The following IQSEC1 variants were observed in gnomAD, a reference collection of about 807,000 sequenced individuals.
IQSEC1 encodes IQ motif and Sec7 domain ArfGEF 1, also known as IQ motif and SEC7 domain-containing protein 1.
A neutral mutation model predicts 91.0 loss-of-function variants in IQSEC1; 31 were observed. That is an observed-to-expected ratio of 0.34 (90% CI 0.26 to 0.46). IQSEC1 has a LOEUF of 0.46. Ranked by LOEUF, IQSEC1 falls within the 20% of genes least tolerant of loss-of-function variation. The pLI, the probability that IQSEC1 is intolerant of heterozygous loss-of-function variation, is 1.00. For synonymous variants in IQSEC1, 699 were observed against 662.6 expected (o/e 1.05, Z -0.84); for missense variants, 1,388 against 1,575.6 (o/e 0.88, Z 2.02).
chr3:12,919,509 T>C (rs1696415645), intron 6 of IQSEC1, among the ~76,000 whole-genome samples: 1 of 152,182 alleles, frequency 6.6e-6, no homozygotes, highest in Non-Finnish European at 1.5e-5. Flanking sequence ...GAGCTGGAGC[T>C]GCTCCCTGGA....
At chr3:13,221,350 C>T (rs1272285590) in intron 1 of IQSEC1, among the ~76,000 whole-genome samples, 2 of 152,196 alleles carry the variant, frequency 1.3e-5, no homozygotes, top group Admixed American at 1.3e-4. Flanking sequence ...CACTGTTCCT[C>T]CAACAGGACA....
chr3:12,984,002 T>C (rs1409374810), intron 1 of IQSEC1, among the ~76,000 whole-genome samples: 1 of 152,130 alleles, frequency 6.6e-6, no homozygotes, highest in Non-Finnish European at 1.5e-5. Flanking sequence ...ACAGATGGTC[T>C]GCACAGAGCT....
In IQSEC1 at chr3:13,282,794, C is replaced by T. The variant is rs1360219263; in HGVS notation, c.189G>A (p.Ala63=). Residue 63 remains alanine, a synonymous_variant, in exon 1 of 16, where the codon GCG becomes GCA. Transcript: ENST00000648114. This position sits in a 1 kb window ranked among gnomAD's most constrained non-coding sequence, Gnocchi z 6.4. ...GGCCCGGGTCGGGGCGGCGGGCGCA[C>T]GCGGCCAGGTGTCGCCGGTGTCGCT... Among the ~76,000 whole-genome samples, 1 of 147,792 alleles carries T rather than the reference C, an allele frequency of 6.8e-6. No homozygotes were observed. The highest frequency in any genetic ancestry group is 1.5e-5 in the Non-Finnish European group (1 of 66,322).
At chr3:13,234,751 G>A (rs1423644914) in intron 1 of IQSEC1, among the ~76,000 whole-genome samples, 3 of 152,182 alleles carry the variant, frequency 2.0e-5, no homozygotes, top group African/African-American at 4.8e-5. Flanking sequence ...ACTCTCGGGT[G>A]TGACTAAATG....
At chr3:13,271,673 G>A (rs1036655061) in intron 1 of IQSEC1, among the ~76,000 whole-genome samples, 2 of 152,120 alleles carry the variant, frequency 1.3e-5, no homozygotes, top group Non-Finnish European at 2.9e-5. Flanking sequence ...GTGCACACCT[G>A]TAGTCCCAGC....
upstream of IQSEC1, among the ~76,000 whole-genome samples, chr3:13,077,640 C>G (rs2648700): frequency 0.27 from 41,770 of 152,104 alleles, 6,095 homozygotes; most frequent in African/African-American, 0.34. Context: ...CTGGCAGGCT[C>G]GTGCAGGGCC....
At chr3:12,903,601 A>T (rs1430736433) in intron 12 of IQSEC1, among the ~76,000 whole-genome samples, 2 of 152,204 alleles carry the variant, frequency 1.3e-5, no homozygotes, top group African/African-American at 4.8e-5. Context: ...GGTCCGTCAG[A>T]GCAAGGCCAG....
chr3:13,234,770 A>G (rs569748573), intron 1 of IQSEC1, among the ~76,000 whole-genome samples: 1 of 152,302 alleles, frequency 6.6e-6, no homozygotes, highest in East Asian at 1.9e-4. Flanking sequence ...TGTGGAAAAT[A>G]TTAGTGTTCC....
intron 2 of IQSEC1, among the ~76,000 whole-genome samples, chr3:13,121,969 T>A (rs1706432845): frequency 6.6e-6 from 1 of 152,220 alleles, no homozygotes; most frequent in Non-Finnish European, 1.5e-5. Context: ...CAATGCTGGA[T>A]CTGAAATAGT....
intron 2 of IQSEC1, among the ~76,000 whole-genome samples, chr3:13,121,183 G>A (rs1334392890): frequency 6.6e-6 from 1 of 152,248 alleles, no homozygotes; most frequent in Non-Finnish European, 1.5e-5. Context: ...TTGCAGCCAT[G>A]CCTGCACCTC....
chr3:13,135,786 C>T (rs1220058558), intron 2 of IQSEC1, among the ~76,000 whole-genome samples: 1 of 152,210 alleles, frequency 6.6e-6, no homozygotes, highest in Non-Finnish European at 1.5e-5. Context: ...TACAGGGCCT[C>T]TGGGTCAGCC....
At chr3:13,012,534 G>A (rs1229178922) in intron 1 of IQSEC1, among the ~76,000 whole-genome samples, 1 of 152,186 alleles carries the variant, frequency 6.6e-6, no homozygotes, top group South Asian at 2.1e-4. Context: ...GAAACGATGT[G>A]TTGCTCACCA....
intron 1 of IQSEC1, among the ~76,000 whole-genome samples, chr3:13,253,435 G>C (rs559015488): frequency 6.6e-6 from 1 of 152,284 alleles, no homozygotes; most frequent in Admixed American, 6.5e-5. Flanking sequence ...AAGATGGCGG[G>C]TATTGAGTGG....
chr3:13,026,940 G>A (rs1196046192), intron 1 of IQSEC1, among the ~76,000 whole-genome samples: 2 of 148,630 alleles, frequency 1.3e-5, no homozygotes, highest in African/African-American at 5.0e-5. Flanking sequence ...AGTTACTCAG[G>A]ATGATATATA....
intron 1 of IQSEC1, among the ~76,000 whole-genome samples, chr3:12,985,660 A>G (rs1416957548): frequency 1.3e-4 from 17 of 134,858 alleles, no homozygotes; most frequent in African/African-American, 4.6e-4. Flanking sequence ...CGGGTGGCAG[A>G]GTGGGGGGGG....
intron 2 of IQSEC1, among the ~76,000 whole-genome samples, chr3:13,141,965 T>C (rs940481153): frequency 1.4e-4 from 22 of 152,172 alleles, no homozygotes; most frequent in African/African-American, 5.3e-4. Flanking sequence ...AGCAGCAGCA[T>C]CAGGCAACCA....
intron 13 of IQSEC1, 46 bp downstream of exon 13, chr3:12,902,727 A>C (rs776635187): frequency 7.8e-6 from 8 of 1,024,248 alleles, no homozygotes; most frequent in South Asian, 7.5e-5. Context: ...AGGACTGGGG[A>C]AGGCGACACA....
At chr3:12,921,968 G>A (rs1696671994) in intron 5 of IQSEC1, 152 bp downstream of exon 5, 3 of 873,772 alleles carry the variant, frequency 3.4e-6, no homozygotes, top group East Asian at 3.1e-5. Flanking sequence ...AACGTAGGAG[G>A]AGCCAGTACG....
At chr3:12,948,321 C>T (rs1042798719) in intron 1 of IQSEC1, among the ~76,000 whole-genome samples, 5 of 152,256 alleles carry the variant, frequency 3.3e-5, no homozygotes, top group African/African-American at 9.6e-5. Flanking sequence ...GCCAGGGTCA[C>T]CTGCCCTGCA....
Sources: allele counts gnomAD v4.1 joint callset (sites outside exome capture counted in the v4.1 genomes callset), GRCh38; gene constraint gnomAD v4.1.1; non-coding constraint Gnocchi (gnomAD v3.1); transcripts MANE v1.5; gene names NCBI Gene and HGNC (gene_info 2026-07-23, HGNC 2026-07-21).